ORMDL1: variants seen among roughly 807,000 people sequenced by gnomAD.
ORMDL1 encodes the protein ORM1-like protein 1.
A neutral mutation model predicts 13.0 loss-of-function variants in ORMDL1; 10 were observed. The ratio of observed to expected loss-of-function variants is 0.77; its 90% CI spans 0.47 to 1.30. The LOEUF (loss-of-function observed/expected upper bound fraction) is 1.30, where lower values mean the gene tolerates loss of function less well. Among genes scored for constraint, ORMDL1 ranks in the 50% most tolerant of loss-of-function variants. The pLI is 0.00. For missense variants in ORMDL1, 171 were observed against 186.7 expected (o/e 0.92, Z 0.49); for synonymous variants, 61 against 63.9 (o/e 0.95, Z 0.22).
chr2:189,782,603 CTGT>C lies in ORMDL1; in HGVS notation c.-7-4_-7-2del. ...GGCAACTCCAACGTTCATGTTTGCTCTGTAGGAAGTAATGAAATGAATCAACAC... is the reference window on the plus strand; with the variant it reads ...GGCAACTCCAACGTTCATGTTTGCTCAGGAAGTAATGAAATGAATCAACAC... On this transcript the variant is annotated splice_acceptor_variant and splice_polypyrimidine_tract_variant and intron_variant, in intron 2 of 4. Coordinates refer to ENST00000392349, the MANE Select transcript of ORMDL1 (RefSeq NM_016467.5). LOFTEE classifies it low-confidence loss of function (5UTR_SPLICE). 1 of 1,612,486 alleles carries C rather than the reference CTGT, an allele frequency of 6.2e-7. No individual in the cohort carries two copies. Among genetic ancestry groups the C allele is most frequent in the East Asian group, 2.2e-5 (1 of 44,834 alleles).
At chr2:189,781,516 A>C (rs2047830366) in intron 3 of ORMDL1, among the ~76,000 whole-genome samples, 2 of 152,164 alleles carry the variant, frequency 1.3e-5, no homozygotes, top group Non-Finnish European at 2.9e-5. Flanking sequence ...GAGAGTAACA[A>C]GCAGCAGCTA....
rs2106153288 is a variant in ORMDL1 at position 189,779,128 on chromosome 2, T to C, written c.174+3294A>G. The stretch of plus-strand genomic sequence containing the variant: ...AGGAGTTCGAGGCTGCAGTGAGCTA[T>C]GATCATGCCACTGCACTCCAGCCTG... On this transcript the variant is annotated intron_variant, in intron 3 of 4. Coordinates refer to ENST00000392349, the MANE Select transcript of ORMDL1 (RefSeq NM_016467.5). Among the ~76,000 whole-genome samples the C allele has an allele frequency of 2.0e-5, 3 of 150,368 alleles. No homozygotes were observed. In the Middle Eastern group the frequency reaches 0.01, roughly 526 times the overall value.
intron 3 of ORMDL1, among the ~76,000 whole-genome samples, chr2:189,780,599 G>A (rs1017187776): frequency 1.3e-5 from 2 of 152,114 alleles, no homozygotes; most frequent in African/African-American, 2.4e-5. Flanking sequence ...CATAAGAAGA[G>A]ATGAAGAAAA....
chr2:189,776,170 G>A (rs1349067356), intron 3 of ORMDL1, among the ~76,000 whole-genome samples: 1 of 152,032 alleles, frequency 6.6e-6, no homozygotes, highest in East Asian at 1.9e-4. Context: ...AAATCTATTG[G>A]GAAAAATAGT....
Position 189,771,160 on chromosome 2 carries a change from A to G in ORMDL1, c.*607T>C, listed in dbSNP as rs2047569195. The stretch of plus-strand genomic sequence containing the variant: ...CAATCAGTCACAAAGGTGAACCTCC[A>G]TGAACTCTGTAACGTAATAAATGTA... On this transcript the variant is annotated 3_prime_UTR_variant, in exon 5 of 5. Transcript: ENST00000392349. 1 of 152,206 alleles carries G rather than the reference A, an allele frequency of 6.6e-6. No individual in the cohort carries two copies. Among genetic ancestry groups the G allele is most frequent in the Non-Finnish European group, 1.5e-5 (1 of 68,024 alleles). The allele number at this position is 152,206 out of a possible 1,614,324, so 9.4% of individuals were successfully genotyped here.
At chr2:189,775,495 A>G (rs2047673651) in intron 4 of ORMDL1, 70 bp downstream of exon 4, 3 of 1,441,962 alleles carry the variant, frequency 2.1e-6, no homozygotes, top group Non-Finnish European at 1.9e-6. Flanking sequence ...TCTAATTCCA[A>G]TTCAATCTGA....
At chr2:189,778,444 G>A (rs932012360) in intron 3 of ORMDL1, 4 of 455,690 alleles carry the variant, frequency 8.8e-6, no homozygotes, top group Admixed American at 7.1e-5. Flanking sequence ...CGTTCTTAGC[G>A]ATACAAAAAT....
At chr2:189,769,123 C>G (rs377649181), downstream of ORMDL1, among the ~76,000 whole-genome samples, 9 of 152,080 alleles carry the variant, frequency 5.9e-5, no homozygotes, top group East Asian at 7.7e-4. Context: ...TTGGCTCATG[C>G]CTGTAATCCC....
intron 3 of ORMDL1, among the ~76,000 whole-genome samples, chr2:189,777,778 C>T (rs1203446529): frequency 6.6e-6 from 1 of 152,150 alleles, no homozygotes. Flanking sequence ...TGAGGTAGCA[C>T]TTAATAAAGC....
At chr2:189,765,983 C>G (rs769585759), downstream of ORMDL1, among the ~76,000 whole-genome samples, 2 of 151,860 alleles carry the variant, frequency 1.3e-5, no homozygotes, top group Non-Finnish European at 1.5e-5. Context: ...CACGCCACCA[C>G]GCCCAGCTAA....
chr2:189,774,958 C>T (rs1574964470), intron 4 of ORMDL1: 1 of 152,202 alleles, frequency 6.6e-6, no homozygotes, highest in African/African-American at 2.4e-5. Context: ...AATTAGATAC[C>T]AGATACAGGT....
At chr2:189,764,167 AC>A in the ORMDL1 span, 1 of 152,232 alleles carries the variant, frequency 6.6e-6, no homozygotes, top group Non-Finnish European at 1.5e-5. Context: ...GTTGGCCTAA[AC>A]AAGGGAAAAA....
chr2:189,780,386 G>C (rs1043889901), intron 3 of ORMDL1, among the ~76,000 whole-genome samples: 2 of 152,142 alleles, frequency 1.3e-5, no homozygotes, highest in Non-Finnish European at 2.9e-5. Flanking sequence ...GTCTGGCTTG[G>C]CCTTTAGATA....
At chr2:189,775,367 G>A (rs113403641) in intron 4 of ORMDL1, 198 bp downstream of exon 4, 13 of 557,990 alleles carry the variant, frequency 2.3e-5, no homozygotes, top group African/African-American at 1.9e-4. Flanking sequence ...TATTGTCTCC[G>A]TATATGTACT....
intron 3 of ORMDL1, among the ~76,000 whole-genome samples, chr2:189,776,327 G>C (rs2047694261): frequency 6.6e-6 from 1 of 151,994 alleles, no homozygotes. Flanking sequence ...TCTGAAGTCA[G>C]TTTTAAAAAC....
intron 3 of ORMDL1, among the ~76,000 whole-genome samples, chr2:189,780,640 G>A (rs2047802320): frequency 2.0e-5 from 3 of 152,066 alleles, no homozygotes; most frequent in South Asian, 4.1e-4. Context: ...TTTAAGAGAG[G>A]AAAAGAGAAG....
downstream of ORMDL1, among the ~76,000 whole-genome samples, chr2:189,766,915 A>T (rs967928435): frequency 6.6e-6 from 1 of 152,184 alleles, no homozygotes; most frequent in African/African-American, 2.4e-5. Context: ...TTCATCCAAG[A>T]TGTAATATAT....
downstream of ORMDL1, among the ~76,000 whole-genome samples, chr2:189,769,656 A>C (rs1436346423): frequency 2.0e-5 from 3 of 152,206 alleles, no homozygotes; most frequent in Non-Finnish European, 4.4e-5. Context: ...AACAAATCAT[A>C]ATAATGGATT....
At chr2:189,772,868 A>T (rs903278602) in intron 4 of ORMDL1, among the ~76,000 whole-genome samples, 6 of 152,190 alleles carry the variant, frequency 3.9e-5, no homozygotes, top group Non-Finnish European at 5.9e-5. Flanking sequence ...ATCACAAGAG[A>T]ATTTTATACA....
Sources: gnomAD v4.1 joint callset for allele counts (sites outside exome capture counted in the v4.1 genomes callset) on GRCh38, gnomAD v4.1.1 for gene constraint, MANE v1.5 for transcripts, NCBI Gene and HGNC (gene_info 2026-07-23, HGNC 2026-07-21) for gene names.